The following DNAJC15 variants were observed in gnomAD, a reference collection of about 807,000 sequenced individuals.
DNAJC15 encodes the protein DnaJ heat shock protein family (Hsp40) member C15.
Under a neutral mutation model 22.4 loss-of-function variants are expected in DNAJC15, and 27 were observed. The observed-to-expected ratio is 1.20, with a 90% CI of 0.89 to 1.66. DNAJC15 has a LOEUF of 1.66. DNAJC15 is among the 40% of genes most tolerant of loss of function. The pLI is 0.00. For missense variants in DNAJC15, 208 were observed against 187.1 expected, an observed-to-expected ratio of 1.11 and a Z score of -0.65; for synonymous variants, 79 against 63.2, an observed-to-expected ratio of 1.25 and a Z score of -1.19.
chr13:43,078,503 T>G, intron 3 of DNAJC15, 109 bp from the exon 4 acceptor site: 1 of 771,590 alleles, frequency 1.3e-6, no homozygotes, highest in East Asian at 2.9e-5. Context: ...TAATTTTGAG[T>G]TGACTTCTAG....
rs1202958461 is a variant in DNAJC15 at position 43,111,389 on chromosome 13, A to G, written c.*4141A>G. The G allele has an allele frequency of 1.3e-5, 2 of 152,196 alleles. No homozygotes were observed. The highest frequency in any genetic ancestry group is 1.5e-5 in the Non-Finnish European group (1 of 68,032). 9.4% of individuals were successfully genotyped at this position (152,196 alleles called of 1,614,324 possible). A position where few individuals can be genotyped will look rare whatever the true frequency, so the allele number is the denominator to read the frequency against. On this transcript the variant is annotated 3_prime_UTR_variant, in exon 6 of 6. Transcript: ENST00000379221. ...AACAAGACATATAAGAGTTGCATTA[A>G]TGGGCGTGCTTATGATTGATCACCC...
In DNAJC15 at chr13:43,085,645, C is replaced by G; in HGVS notation, c.312-123C>G. ...GGAATTAAGTGGAAAGCTGTAGTTT[C>G]ATATTTGTCCACAAGATGGTGAAAT... On this transcript the variant is annotated intron_variant, in intron 4 of 5. Coordinates refer to ENST00000379221, the MANE Select transcript of DNAJC15 (RefSeq NM_013238.3). 1.0e-5 allele frequency: 7 copies of G among 667,036 alleles called. No individual in the cohort carries two copies. The South Asian group carries it at 1.3e-4, about 12-fold the overall frequency. 41.3% of individuals were successfully genotyped at this position (667,036 alleles called of 1,614,324 possible). A position where few individuals can be genotyped will look rare whatever the true frequency, so the allele number is the denominator to read the frequency against.
intron 1 of DNAJC15, among the ~76,000 whole-genome samples, chr13:43,043,342 C>G (rs970248429): frequency 6.6e-6 from 1 of 152,128 alleles, no homozygotes; most frequent in Non-Finnish European, 1.5e-5. Flanking sequence ...TCCTGACTCT[C>G]AGTTGATCTA....
At chr13:43,072,712 C>T (rs1362481151) in intron 3 of DNAJC15, among the ~76,000 whole-genome samples, 6 of 151,940 alleles carry the variant, frequency 3.9e-5, no homozygotes, top group Admixed American at 1.3e-4. Flanking sequence ...TGCAGGCACT[C>T]GTCACTATTC....
intron 1 of DNAJC15, among the ~76,000 whole-genome samples, chr13:43,062,036 G>A (rs542255709): frequency 6.6e-6 from 1 of 152,296 alleles, no homozygotes; most frequent in South Asian, 2.1e-4. Context: ...TATCAGTGAG[G>A]ATCCTGGTAG....
At position 43,107,291 on chromosome 13, in the gene DNAJC15, G is replaced by GAA. The variant is rs61651931; in HGVS notation, c.*54_*55dup. On this transcript the variant is annotated 3_prime_UTR_variant, in exon 6 of 6. Transcript: ENST00000379221. ...GAAGGAAAAAAAAAGAGGGGACTTCGAAAAAAAAAAAAGCCCTGCAAAATA... is the reference window on the plus strand; with the variant it reads ...GAAGGAAAAAAAAAGAGGGGACTTCGAAAAAAAAAAAAAAGCCCTGCAAAATA... 1.6e-4 allele frequency: 192 copies of GAA among 1,235,118 alleles called. No homozygotes were observed. Among genetic ancestry groups the GAA allele is most frequent in the Non-Finnish European group, 1.8e-4 (167 of 940,708 alleles). 76.5% of individuals were successfully genotyped at this position (1,235,118 alleles called of 1,614,324 possible). A position where few individuals can be genotyped will look rare whatever the true frequency, so the allele number is the denominator to read the frequency against.
At chr13:43,047,085 GC>G (rs2040480974) in intron 1 of DNAJC15, among the ~76,000 whole-genome samples, 1 of 152,108 alleles carries the variant, frequency 6.6e-6, no homozygotes, top group South Asian at 2.1e-4. Flanking sequence ...CAAAAGGCTT[GC>G]CGTCATTTTG....
intron 5 of DNAJC15, among the ~76,000 whole-genome samples, chr13:43,090,338 T>A (rs1255529316): frequency 6.6e-6 from 1 of 152,248 alleles, no homozygotes; most frequent in Non-Finnish European, 1.5e-5. Context: ...AACTATCTGT[T>A]TGTTATACTT....
At chr13:43,065,356 T>C (rs2040578585) in intron 1 of DNAJC15, among the ~76,000 whole-genome samples, 1 of 152,164 alleles carries the variant, frequency 6.6e-6, no homozygotes, top group Non-Finnish European at 1.5e-5. Flanking sequence ...GCTTTTTATC[T>C]TTATAGAAGA....
intron 3 of DNAJC15, 127 bp from the exon 4 acceptor site, chr13:43,078,485 C>A: frequency 1.7e-6 from 1 of 605,620 alleles, no homozygotes; most frequent in Non-Finnish European, 2.8e-6. Context: ...GTGCTTCCCC[C>A]CGCCCCATAA....
Position 43,107,356 on chromosome 13 carries a change from C to A in DNAJC15, c.*108C>A. The A allele has an allele frequency of 1.2e-6, 1 of 853,164 alleles. No individual in the cohort carries two copies. Among genetic ancestry groups the A allele is most frequent in the Non-Finnish European group, 1.7e-6 (1 of 598,964 alleles). The allele number at this position is 853,164 out of a possible 1,614,324, so 52.8% of individuals were successfully genotyped here. On this transcript the variant is annotated 3_prime_UTR_variant, in exon 6 of 6. Coordinates refer to ENST00000379221, the MANE Select transcript of DNAJC15 (RefSeq NM_013238.3). ...CTTCTTAATTTTCTATATGGATTGACCACAGTCTTATCTTCCACCATTAAG... is the reference window on the plus strand; with the variant it reads ...CTTCTTAATTTTCTATATGGATTGAACACAGTCTTATCTTCCACCATTAAG...
In DNAJC15 at chr13:43,085,737, T is replaced by G. The variant is rs367964575; in HGVS notation, c.312-31T>G. Reference sequence around the variant, plus strand: ...ATTTATAATCTGCATTTGATGCTATTTATTATAAGCACTGTAATTTCTTTT... The same window carrying G: ...ATTTATAATCTGCATTTGATGCTATGTATTATAAGCACTGTAATTTCTTTT... On this transcript the variant is annotated intron_variant, in intron 4 of 5. Transcript: ENST00000379221. 15 of 1,580,328 alleles carry G rather than the reference T, an allele frequency of 9.5e-6. No homozygotes were observed. In the African/African-American group the frequency reaches 2.0e-4, roughly 21 times the overall value.
intron 5 of DNAJC15, among the ~76,000 whole-genome samples, chr13:43,100,659 C>G (rs185689064): frequency 3.9e-5 from 6 of 152,226 alleles, no homozygotes; most frequent in Non-Finnish European, 8.8e-5. Context: ...TCCTTTTCAA[C>G]TTATTAAGGT....
chr13:43,043,289 G>A (rs1242493992), intron 1 of DNAJC15, among the ~76,000 whole-genome samples: 4 of 152,072 alleles, frequency 2.6e-5, no homozygotes, highest in Admixed American at 1.3e-4. Context: ...TGTATTTTTA[G>A]TAGAGACGGG....
intron 1 of DNAJC15, among the ~76,000 whole-genome samples, chr13:43,044,996 C>T (rs1339598563): frequency 6.6e-6 from 1 of 152,056 alleles, no homozygotes; most frequent in East Asian, 1.9e-4. Context: ...GGCCTCTGCT[C>T]AAAACAATGA....
At chr13:43,086,159 C>G (rs969768064) in intron 5 of DNAJC15, among the ~76,000 whole-genome samples, 2 of 152,154 alleles carry the variant, frequency 1.3e-5, no homozygotes, top group African/African-American at 2.4e-5. Flanking sequence ...ATTTGGGCAT[C>G]ACGAATTGTA....
At chr13:43,027,718 G>A (rs899906806) in intron 1 of DNAJC15, among the ~76,000 whole-genome samples, 19 of 151,680 alleles carry the variant, frequency 1.3e-4, no homozygotes, top group South Asian at 8.3e-4. Context: ...ATGCAATGGC[G>A]GGATCTCGGC....
rs183544576 is a variant in DNAJC15, at chr13:43,041,107, A to G, written c.108+17373A>G. On this transcript the variant is annotated intron_variant, in intron 1 of 5. Transcript: ENST00000379221. ...CCCTTTACAGGTGTCGGGCTGGGGG[A>G]CGGTCAGGTCTTTCCCTTCCCACGA... 6.0e-3 allele frequency among the ~76,000 whole-genome samples: 906 copies of G among 152,126 alleles called. 10 individuals are homozygous for G. The highest frequency in any genetic ancestry group is 0.019 in the African/African-American group (787 of 41,516).
intron 1 of DNAJC15, among the ~76,000 whole-genome samples, chr13:43,062,800 C>G (rs2040565097): frequency 6.6e-6 from 1 of 151,886 alleles, no homozygotes; most frequent in African/African-American, 2.4e-5. Flanking sequence ...CTCACTGCAC[C>G]CTCCGCCTCC....
Sources: gnomAD v4.1 joint callset for allele counts (sites outside exome capture counted in the v4.1 genomes callset) on GRCh38, gnomAD v4.1.1 for gene constraint, MANE v1.5 for transcripts, NCBI Gene and HGNC (gene_info 2026-07-23, HGNC 2026-07-21) for gene names.